The following ARHGEF38 variants were observed in gnomAD, a reference collection of about 807,000 sequenced individuals.
ARHGEF38 encodes Rho guanine nucleotide exchange factor 38.
A neutral mutation model predicts 79.9 loss-of-function variants in ARHGEF38; 79 were observed. The ratio of observed to expected loss-of-function variants is 0.99; its 90% CI spans 0.82 to 1.19. The LOEUF is 1.19. Ranked by LOEUF, ARHGEF38 falls within the 50% of genes most tolerant of loss-of-function variation. The pLI is 0.00. For synonymous variants in ARHGEF38, 366 were observed against 328.3 expected, an observed-to-expected ratio of 1.11 and a Z score of -1.24; for missense variants, 962 against 907.2, an observed-to-expected ratio of 1.06 and a Z score of -0.78.
At chr4:105,605,258 C>T (rs2110480967) in intron 2 of ARHGEF38, among the ~76,000 whole-genome samples, 1 of 152,214 alleles carries the variant, frequency 6.6e-6, no homozygotes, top group Admixed American at 6.5e-5. Flanking sequence ...CTAGTCAAAA[C>T]AAATTTTCTG....
intron 6 of ARHGEF38, among the ~76,000 whole-genome samples, chr4:105,647,957 T>C (rs1177154955): frequency 6.7e-6 from 1 of 150,040 alleles, no homozygotes; most frequent in African/African-American, 2.5e-5. Context: ...TGGCATGATC[T>C]CGGCTCACTG....
At chr4:105,622,625 G>A (rs939214535) in intron 3 of ARHGEF38, among the ~76,000 whole-genome samples, 8 of 152,254 alleles carry the variant, frequency 5.3e-5, no homozygotes, top group East Asian at 1.9e-4. Context: ...CAAGAAATCC[G>A]TAACTCACAA....
chr4:105,575,933 T>A (rs931470144), intron 1 of ARHGEF38, among the ~76,000 whole-genome samples: 7 of 152,146 alleles, frequency 4.6e-5, no homozygotes, highest in African/African-American at 1.7e-4. Flanking sequence ...TGTTTTTGTA[T>A]GCTTTGTTGA....
chr4:105,570,453 A>G (rs1052969851), intron 1 of ARHGEF38, among the ~76,000 whole-genome samples: 3 of 152,182 alleles, frequency 2.0e-5, no homozygotes. Context: ...TTATAAAGGA[A>G]AGAGATTTAA....
chr4:105,621,110 G>A (rs1265297552), intron 3 of ARHGEF38, among the ~76,000 whole-genome samples: 1 of 152,198 alleles, frequency 6.6e-6, no homozygotes, highest in African/African-American at 2.4e-5. Flanking sequence ...CTAGATTTGT[G>A]AAATTAGTCA....
intron 6 of ARHGEF38, among the ~76,000 whole-genome samples, chr4:105,647,082 C>T (rs1729874118): frequency 6.6e-6 from 1 of 152,040 alleles, no homozygotes; most frequent in Admixed American, 6.6e-5. Context: ...GGAAACAAAG[C>T]AAAATGTTAA....
intron 13 of ARHGEF38, among the ~76,000 whole-genome samples, chr4:105,676,889 A>T (rs1158047360): frequency 6.6e-6 from 1 of 152,064 alleles, no homozygotes; most frequent in African/African-American, 2.4e-5. Flanking sequence ...GTTCTTTTTA[A>T]GGTTTACTAT....
intron 3 of ARHGEF38, among the ~76,000 whole-genome samples, chr4:105,615,550 G>A (rs1178879190): frequency 6.6e-6 from 1 of 152,150 alleles, no homozygotes; most frequent in African/African-American, 2.4e-5. Context: ...ATGTATTGTG[G>A]TTTGTCTAGA....
chr4:105,594,963 G>T (rs1361572547), intron 2 of ARHGEF38, among the ~76,000 whole-genome samples: 1 of 152,122 alleles, frequency 6.6e-6, no homozygotes, highest in Non-Finnish European at 1.5e-5. Flanking sequence ...TATGTTTTTG[G>T]CTATAAGTCA....
intron 5 of ARHGEF38, among the ~76,000 whole-genome samples, chr4:105,643,488 C>T (rs778924104): frequency 1.3e-5 from 2 of 152,144 alleles, no homozygotes; most frequent in African/African-American, 4.8e-5. Context: ...CTTATGCTAT[C>T]ATCATTTTCT....
chr4:105,675,024 G>A (rs192206629), intron 13 of ARHGEF38, among the ~76,000 whole-genome samples: 99 of 152,182 alleles, frequency 6.5e-4, no homozygotes, highest in African/African-American at 2.1e-3. Context: ...ATTATAGTAC[G>A]TTACATTCCC....
intron 11 of ARHGEF38, 26 bp downstream of exon 11, chr4:105,666,346 T>C: frequency 2.0e-6 from 3 of 1,501,008 alleles, no homozygotes; most frequent in African/African-American, 1.4e-5. Flanking sequence ...TTCATGACAA[T>C]GATAACTTTC....
chr4:105,657,048 AGAT>A (rs199591149), intron 9 of ARHGEF38, among the ~76,000 whole-genome samples: 87 of 150,816 alleles, frequency 5.8e-4, no homozygotes, highest in South Asian at 2.5e-3. Context: ...ATAGATAGAT[AGAT>A]GATAGATAGA....
At chr4:105,583,188 A>G (rs1156643664) in intron 1 of ARHGEF38, among the ~76,000 whole-genome samples, 1 of 152,140 alleles carries the variant, frequency 6.6e-6, no homozygotes, top group Non-Finnish European at 1.5e-5. Context: ...CTGGTTTTGA[A>G]ATTTTACATG....
intron 1 of ARHGEF38, among the ~76,000 whole-genome samples, chr4:105,565,076 A>G (rs1725822634): frequency 6.6e-6 from 1 of 152,178 alleles, no homozygotes; most frequent in South Asian, 2.1e-4. Flanking sequence ...CCACTTCAGT[A>G]TTTTTCAAGA....
intron 2 of ARHGEF38, among the ~76,000 whole-genome samples, chr4:105,611,172 A>G (rs17260120): frequency 0.056 from 8,525 of 152,160 alleles, 264 homozygotes; most frequent in Middle Eastern, 0.075. Flanking sequence ...TTCTCAGAAT[A>G]AAGTTTCCAG....
chr4:105,678,033 C>T lies in ARHGEF38; in HGVS notation c.*96C>T. ...AACTTTGGACCAGAAAGCAAGAAAC[C>T]TCTGAACTACAGAAACTGATACTGT... is the stretch of plus-strand genomic sequence containing the variant. On this transcript the variant is annotated 3_prime_UTR_variant, in exon 14 of 14. Transcript: ENST00000420470. 9.5e-7 allele frequency: 1 copy of T among 1,052,920 alleles called. No individual in the cohort carries two copies. Among genetic ancestry groups the T allele is most frequent in the Non-Finnish European group, 1.3e-6 (1 of 758,004 alleles). The allele number at this position is 1,052,920 out of a possible 1,614,324, so 65.2% of individuals were successfully genotyped here.
At chr4:105,651,532 T>C (rs1730104070) in intron 7 of ARHGEF38, among the ~76,000 whole-genome samples, 1 of 152,228 alleles carries the variant, frequency 6.6e-6, no homozygotes, top group African/African-American at 2.4e-5. Context: ...GATCCTACTA[T>C]ACCGTGGGTA....
At chr4:105,639,669 A>G (rs1237356999) in intron 5 of ARHGEF38, among the ~76,000 whole-genome samples, 1 of 152,024 alleles carries the variant, frequency 6.6e-6, no homozygotes, top group Non-Finnish European at 1.5e-5. Context: ...CAAATTTACC[A>G]TGTACTCTAT....
Sources: allele counts gnomAD v4.1 joint callset (sites outside exome capture counted in the v4.1 genomes callset), GRCh38; gene constraint gnomAD v4.1.1; transcripts MANE v1.5; gene names NCBI Gene and HGNC (gene_info 2026-07-23, HGNC 2026-07-21).